The following TMEM132C variants were observed in gnomAD, a reference collection of about 807,000 sequenced individuals.
TMEM132C encodes the protein transmembrane protein 132C.
Under a neutral mutation model 61.4 loss-of-function variants are expected in TMEM132C, and 29 were observed. That is an observed-to-expected ratio of 0.47 (90% CI 0.35 to 0.64). The LOEUF (loss-of-function observed/expected upper bound fraction) is 0.64. Ranked by LOEUF, TMEM132C falls within the 30% of genes least tolerant of loss-of-function variation. TMEM132C has a pLI of 0.00. For missense variants in TMEM132C, 1,408 were observed against 1,476.9 expected (o/e 0.95, Z 0.76); for synonymous variants, 656 against 633.1 (o/e 1.04, Z -0.54).
chr12:128,612,438 T>C (rs1447599671), intron 3 of TMEM132C, among the ~76,000 whole-genome samples: 1 of 152,214 alleles, frequency 6.6e-6, no homozygotes, highest in Non-Finnish European at 1.5e-5. Context: ...TAGGTTGAGT[T>C]GGCTCACAAG....
intron 2 of TMEM132C, among the ~76,000 whole-genome samples, chr12:128,429,041 A>T (rs1230201869): frequency 6.6e-6 from 1 of 152,204 alleles, no homozygotes; most frequent in African/African-American, 2.4e-5. Context: ...AAGCATTCTA[A>T]TTGATGAACT....
intron 2 of TMEM132C, among the ~76,000 whole-genome samples, chr12:128,518,764 T>G (rs946629497): frequency 1.3e-5 from 2 of 152,116 alleles, no homozygotes. Context: ...GTGGTGTGTG[T>G]GTGTGTGTGT....
At position 128,447,884 on chromosome 12, in the gene TMEM132C, G is replaced by A. The variant is rs941612575; in HGVS notation, c.974+32264G>A. Among the ~76,000 whole-genome samples, 9 of 115,684 alleles carry A rather than the reference G, an allele frequency of 7.8e-5. 1 individual carries two copies. The highest frequency in any genetic ancestry group is 4.2e-3 in the Middle Eastern group (1 of 238). The allele number at this position is 115,684 out of a possible 152,430, so 75.9% of individuals were successfully genotyped here. A position where few individuals can be genotyped will look rare whatever the true frequency, so the allele number is the denominator to read the frequency against. On this transcript the variant is annotated intron_variant, in intron 2 of 8. Coordinates refer to ENST00000435159, the MANE Select transcript of TMEM132C (RefSeq NM_001136103.3). ...TGGGACTACAGGCGCCCGCCACCGC[G>A]CCCGGCTAATTTTTTGTATTTTTAG...
At chr12:128,269,000 GA>G (rs1208288581) in intron 1 of TMEM132C, among the ~76,000 whole-genome samples, 1 of 111,576 alleles carries the variant, frequency 9.0e-6, no homozygotes, top group African/African-American at 3.4e-5. Context: ...AGGAGTAGGA[GA>G]GGGGGGCACT....
chr12:128,420,191 T>G (rs936669975), intron 2 of TMEM132C, among the ~76,000 whole-genome samples: 1 of 152,124 alleles, frequency 6.6e-6, no homozygotes, highest in Admixed American at 6.6e-5. Context: ...AGTGACACTC[T>G]GTCTCAAAAA....
rs75745315 is a variant in TMEM132C at position 128,405,538 on chromosome 12, C to T, written c.86-9194C>T. On this transcript the variant is annotated intron_variant, in intron 1 of 8. Coordinates refer to ENST00000435159, the MANE Select transcript of TMEM132C (RefSeq NM_001136103.3). ...CTAAGAGAAAATCTCATTTTGCAGC[C>T]GCTGTATCTTCAGCAACCAACACTT... Among the ~76,000 whole-genome samples, 193 of 152,154 alleles carry T rather than the reference C, an allele frequency of 1.3e-3. 1 individual carries two copies. The East Asian group carries it at 0.03, about 23-fold the overall frequency.
intron 3 of TMEM132C, among the ~76,000 whole-genome samples, chr12:128,546,849 TGTAAG>T (rs952060886): frequency 2.0e-5 from 3 of 152,234 alleles, no homozygotes; most frequent in African/African-American, 7.2e-5. Flanking sequence ...CCCTTTGCCT[TGTAAG>T]GTAACATATT....
chr12:128,275,295 C>T (rs1475159725), intron 1 of TMEM132C, among the ~76,000 whole-genome samples: 1 of 152,144 alleles, frequency 6.6e-6, no homozygotes, highest in South Asian at 2.1e-4. Context: ...CCTCACATTA[C>T]TGCCTGAGCT....
intron 5 of TMEM132C, among the ~76,000 whole-genome samples, chr12:128,675,734 G>A (rs1593144471): frequency 6.6e-6 from 1 of 152,204 alleles, no homozygotes; most frequent in African/African-American, 2.4e-5. Context: ...ACAGATGGAG[G>A]AAGGGAGATA....
At chr12:128,460,130 T>C (rs1003408012) in intron 2 of TMEM132C, among the ~76,000 whole-genome samples, 1 of 152,168 alleles carries the variant, frequency 6.6e-6, no homozygotes, top group Non-Finnish European at 1.5e-5. Flanking sequence ...ATAGAATAAC[T>C]AGCTAGAGTG....
rs183345717 is a variant in TMEM132C at position 128,414,799 on chromosome 12, G to C, written c.153G>C (p.Val51=). 2 of 1,541,776 alleles carry C rather than the reference G, an allele frequency of 1.3e-6. No homozygotes were observed. Among genetic ancestry groups the C allele is most frequent in the African/African-American group, 2.7e-5 (2 of 72,976 alleles). The change falls in exon 2 of 9, where the codon GTG becomes GTC. Residue 51 remains valine (V), a synonymous_variant. Coordinates refer to ENST00000435159, the MANE Select transcript of TMEM132C (RefSeq NM_001136103.3). ...RFSSLPPYLP[V]SYHILRAETS... ...CCTCACTGCCACCTTACCTACCTGT[G>C]AGCTACCACATCCTCAGAGCAGAGA...
chr12:128,546,997 G>A (rs993589119), intron 3 of TMEM132C, among the ~76,000 whole-genome samples: 1 of 152,188 alleles, frequency 6.6e-6, no homozygotes, highest in Non-Finnish European at 1.5e-5. Context: ...CCGAGGTCAG[G>A]CCAGCGAGTG....
chr12:128,698,567 G>C (rs1954781859), intron 8 of TMEM132C, among the ~76,000 whole-genome samples: 1 of 152,190 alleles, frequency 6.6e-6, no homozygotes, highest in Admixed American at 6.5e-5. Context: ...ATTAAATTAG[G>C]CTTAACGATG....
rs566636312 is a variant in TMEM132C at position 128,456,136 on chromosome 12, G to A, written c.974+40516G>A. Among the ~76,000 whole-genome samples the A allele has an allele frequency of 5.3e-5, 8 of 152,118 alleles. No homozygotes were observed. The South Asian group carries it at 1.7e-3, about 32-fold the overall frequency. The stretch of plus-strand genomic sequence containing the variant: ...TGACATCTGCCCTGCACCAGAGGGA[G>A]AATGGCAGCCTACACACCACGTGGG... On this transcript the variant is annotated intron_variant, in intron 2 of 8. Coordinates refer to ENST00000435159, the MANE Select transcript of TMEM132C (RefSeq NM_001136103.3).
At chr12:128,329,665 G>A (rs1191527395) in intron 1 of TMEM132C, among the ~76,000 whole-genome samples, 1 of 152,124 alleles carries the variant, frequency 6.6e-6, no homozygotes, top group Non-Finnish European at 1.5e-5. Flanking sequence ...TGGCCGTGCT[G>A]CACCTCGGAG....
intron 1 of TMEM132C, among the ~76,000 whole-genome samples, chr12:128,377,887 G>A (rs1194663515): frequency 6.6e-6 from 1 of 152,148 alleles, no homozygotes; most frequent in Non-Finnish European, 1.5e-5. Context: ...AGGGCTGGCC[G>A]AGTTTTGAGG....
At chr12:128,376,697 C>A (rs1325107796) in intron 1 of TMEM132C, among the ~76,000 whole-genome samples, 3 of 152,158 alleles carry the variant, frequency 2.0e-5, no homozygotes. Context: ...TACAGATGAA[C>A]AGGTCTAGTA....
chr12:128,595,825 A>C (rs973795628), intron 3 of TMEM132C, among the ~76,000 whole-genome samples: 1 of 152,242 alleles, frequency 6.6e-6, no homozygotes, highest in African/African-American at 2.4e-5. Flanking sequence ...AGAATGGGAA[A>C]GAGGAATCAG....
chr12:128,440,126 C>CA (rs1274486273), intron 2 of TMEM132C, among the ~76,000 whole-genome samples: 1 of 152,192 alleles, frequency 6.6e-6, no homozygotes, highest in Non-Finnish European at 1.5e-5. Context: ...TTTGCTCAGT[C>CA]AAAGGATATT....
Sources: allele counts gnomAD v4.1 joint callset (sites outside exome capture counted in the v4.1 genomes callset), GRCh38; gene constraint gnomAD v4.1.1; transcripts MANE v1.5; gene names NCBI Gene and HGNC (gene_info 2026-07-23, HGNC 2026-07-21).